Variants in MST1 observed in about 807,000 individuals in gnomAD.
MST1 encodes macrophage stimulating 1.
In MST1, 76 loss-of-function variants were observed where a neutral mutation model predicts 100.1. The ratio of observed to expected loss-of-function variants is 0.76; its 90% confidence interval spans 0.63 to 0.92. The LOEUF (loss-of-function observed/expected upper bound fraction) is 0.92, where lower values mean the gene tolerates loss of function less well. Among genes scored for constraint, MST1 ranks in the 40% least tolerant of loss-of-function variants. The pLI, the probability that MST1 is intolerant of heterozygous loss-of-function variation, is 0.00. For synonymous variants in MST1, 352 were observed against 385.4 expected, an observed-to-expected ratio of 0.91 and a Z score of 1.01; for missense variants, 850 against 990.0, an observed-to-expected ratio of 0.86 and a Z score of 1.90.
rs1389320399 is a variant in MST1, at chr3:49,684,327, A to C, written c.2003T>G (p.Val668Gly). The C allele has an allele frequency of 3.8e-5, 61 of 1,612,926 alleles. No individual in the cohort carries two copies. Among genetic ancestry groups the C allele is most frequent in the Non-Finnish European group, 5.0e-5 (59 of 1,179,848 alleles). Residue 668 changes from valine to glycine, a missense_variant, in exon 17 of 18, where the codon GTG becomes GGG. Physicochemically the swap from Val to Gly is moderately radical, Grantham distance 109. Around this residue, in one of 2 missense-constraint regions of MST1, gnomAD observed 816 missense variants for 924.6 expected, o/e 0.88. Transcript: ENST00000449682. ...EMCTEGLLAP[V>G]GACEGDYGGP... is the part of the protein sequence containing the mutation. ...CCTGCCACCAACCTCACAGGCCCCC[A>C]CAGGGGCCAACAGTCCCTCAGTGCA...
Position 49,684,827 on chromosome 3 carries a change from C to T in MST1, c.1680G>A (p.Gln560=), listed in dbSNP as rs6446287. The T allele has an allele frequency of 6.2e-7, 1 of 1,613,446 alleles. No homozygotes were observed. Among genetic ancestry groups the T allele is most frequent in the Non-Finnish European group, 8.5e-7 (1 of 1,179,856 alleles). The change falls in exon 15 of 18, where the codon CAG becomes CAA. Residue 560 remains glutamine, a synonymous_variant. Coordinates refer to ENST00000449682, the MANE Select transcript of MST1 (RefSeq NM_020998.4). ...VWLGTLFQNP[Q]HGEPSLQRVP... Reference sequence around the variant, plus strand: ...CCCGCTGTAGGCTTGGCTCTCCATGCTGTGGGTTCTGGAACAGGGTGCCCA... The same window carrying T: ...CCCGCTGTAGGCTTGGCTCTCCATGTTGTGGGTTCTGGAACAGGGTGCCCA...
At position 49,687,144 on chromosome 3, in the gene MST1, C is replaced by T. The variant is rs771632369; in HGVS notation, c.607+5G>A. ...ACTCTCCCAGCTTGACCCGGCGCCG[C>T]TTACCCTCCCGGCAGGATTTGATGC... On this transcript the variant is annotated splice_donor_5th_base_variant and intron_variant, in intron 5 of 17. Transcript: ENST00000449682. 7.4e-6 allele frequency: 12 copies of T among 1,612,992 alleles called. No homozygotes were observed. Among genetic ancestry groups the T allele is most frequent in the Middle Eastern group, 1.6e-4 (1 of 6,078 alleles).
Position 49,688,594 on chromosome 3 carries a change from T to C in MST1, c.94+4A>G, listed in dbSNP as rs1350172867. On this transcript the variant is annotated splice_donor_region_variant and intron_variant, in intron 1 of 17. Coordinates refer to ENST00000449682, the MANE Select transcript of MST1 (RefSeq NM_020998.4). ...AGATGGGGATCAGGGTTGGGGGCAC[T>C]TACCAGGGACCCCTAAGCATTGAGT... The C allele has an allele frequency of 1.2e-6, 2 of 1,612,126 alleles. No individual in the cohort carries two copies. The highest frequency in any genetic ancestry group is 2.7e-5 in the African/African-American group (2 of 74,942).
In MST1 at chr3:49,684,830, T is replaced by C. The variant is rs2108139480; in HGVS notation, c.1677A>G (p.Pro559=). 1 of 1,613,474 alleles carries C rather than the reference T, an allele frequency of 6.2e-7. No homozygotes were observed. Among genetic ancestry groups the C allele is most frequent in the Non-Finnish European group, 8.5e-7 (1 of 1,179,852 alleles). The stretch of plus-strand genomic sequence containing the variant: ...GCTGTAGGCTTGGCTCTCCATGCTG[T>C]GGGTTCTGGAACAGGGTGCCCAACC... The part of the protein sequence containing the change: ...EVWLGTLFQN[P]QHGEPSLQRV... Residue 559 remains proline (P), a synonymous_variant, in exon 15 of 18, where the codon CCA becomes CCG. Transcript: ENST00000449682.
rs545657574 is a variant in MST1, at chr3:49,684,397, C to A, written c.1933G>T (p.Glu645Ter). Reference protein sequence around the residue: ...VALLNVISNQECNIKHRGRVR... With the variant: ...VALLNVISNQ ...CGTCCTCGGTGCTTGATGTTACACT[C>A]CTGGTTGGAGATGACATTCAGCAAG... is the stretch of plus-strand genomic sequence containing the variant. The change falls in exon 17 of 18, where the codon GAG (glutamate) becomes TAG (stop). Residue 645 changes from glutamate (E) to a stop codon, truncating the protein, a stop_gained. Coordinates refer to ENST00000449682, the MANE Select transcript of MST1 (RefSeq NM_020998.4). LOFTEE classifies it high-confidence loss of function. 4 of 1,613,274 alleles carry A rather than the reference C, an allele frequency of 2.5e-6. No homozygotes were observed. In the African/African-American group the frequency reaches 5.3e-5, roughly 22 times the overall value.
At position 49,684,188 on chromosome 3, in the gene MST1, C is replaced by G. The variant is rs933265199; in HGVS notation, c.2018G>C (p.Gly673Ala). 3 of 1,611,748 alleles carry G rather than the reference C, an allele frequency of 1.9e-6. No homozygotes were observed. The African/African-American group carries it at 4.0e-5, about 22-fold the overall frequency. ...GLLAPVGACE[G>A]DYGGPLACFT... ...GCAGGCAAGTGGGCCCCCGTAGTCA[C>G]CCTGGCAGGTAGGAGAACTGATGAG... The change falls in exon 18 of 18, where the codon GGT becomes GCT. Residue 673 changes from glycine to alanine, a missense_variant and splice_region_variant. Gly to Ala is a moderately conservative substitution (Grantham distance 60). This residue lies in a region of MST1 where 816 missense variants were observed against 924.6 expected (regional missense o/e 0.88). Coordinates refer to ENST00000449682, the MANE Select transcript of MST1 (RefSeq NM_020998.4).
rs1229550218 is a variant in MST1 at position 49,686,690 on chromosome 3, G to C, written c.841C>G (p.Arg281Gly). The change falls in exon 7 of 18, where the codon CGC (arginine) becomes GGC (glycine). Residue 281 changes from arginine to glycine, a missense_variant. Transcript: ENST00000449682. ...CCTGGTCCCCGCCGCCTACCGCAGCGGGGGAGGTCACAGAACTCTCGCTCG... is the reference window on the plus strand; with the variant it reads ...CCTGGTCCCCGCCGCCTACCGCAGCCGGGGAGGTCACAGAACTCTCGCTCG... ...QIEREFCDLPRCGSEAQPRQE... is the reference protein window; with the variant it reads ...QIEREFCDLPGCGSEAQPRQE... 3 of 1,564,096 alleles carry C rather than the reference G, an allele frequency of 1.9e-6. No individual in the cohort carries two copies. The highest frequency in any genetic ancestry group is 4.8e-5 in the East Asian group (2 of 42,024).
At position 49,684,741 on chromosome 3, in the gene MST1, T is replaced by G. The variant is rs2053550069; in HGVS notation, c.1766A>C (p.Glu589Ala). 6.2e-7 allele frequency: 1 copy of G among 1,613,268 alleles called. No homozygotes were observed. ...CCCTCCCAGGTTGTCCACATACCTC[T>G]CCAGCTTGAGCAGGACAAGCTGGGA... The part of the protein sequence containing the change: ...SGSQLVLLKL[E>A]RSVTLNQRVA... Residue 589 changes from glutamate (E) to alanine (A), a missense_variant, in exon 15 of 18, where the codon GAG becomes GCG. Physicochemically the swap from Glu to Ala is moderately radical, Grantham distance 107. Around this residue, in one of 2 missense-constraint regions of MST1, gnomAD observed 816 missense variants for 924.6 expected, o/e 0.88. Coordinates refer to ENST00000449682, the MANE Select transcript of MST1 (RefSeq NM_020998.4).
rs762692684 is a variant in MST1 at position 49,685,245 on chromosome 3, A to G, written c.1544+17T>C. The G allele has an allele frequency of 3.1e-6, 5 of 1,612,792 alleles. No homozygotes were observed. In the South Asian group the frequency reaches 5.5e-5, roughly 18 times the overall value. On this transcript the variant is annotated intron_variant, in intron 13 of 17. Coordinates refer to ENST00000449682, the MANE Select transcript of MST1 (RefSeq NM_020998.4). ...ACCTCAGCTCCTCTCTGTGGGAGAC[A>G]GGCAGTTGTGCCTCACCGATTCCGC...
chr3:49,685,711 C>A lies in MST1; in HGVS notation c.1272G>T (p.Pro424=). Residue 424 remains proline (P), a synonymous_variant, in exon 11 of 18, where the codon CCG becomes CCT. Transcript: ENST00000449682. The part of the protein sequence containing the change: ...HKPQFTFTSE[P]HAQLEENFCR... ...AGAAGTTCTCCTCCAGTTGTGCATG[C>A]GGTTCGGAGGTAAACGTGAACCTAG... 1 of 1,613,316 alleles carries A rather than the reference C, an allele frequency of 6.2e-7. No individual in the cohort carries two copies. The highest frequency in any genetic ancestry group is 8.5e-7 in the Non-Finnish European group (1 of 1,179,834).
In MST1 at chr3:49,687,287, T is replaced by C. The variant is rs762961789; in HGVS notation, c.471-2A>G. ...CCATTCCGGAGAGTGGGCGTGTACCTGAGGGCCCAGAGCATCACTATAGTG... is the reference window on the plus strand; with the variant it reads ...CCATTCCGGAGAGTGGGCGTGTACCCGAGGGCCCAGAGCATCACTATAGTG... On this transcript the variant is annotated splice_acceptor_variant, in intron 4 of 17. Transcript: ENST00000449682. LOFTEE classifies it high-confidence loss of function. 4 of 1,613,376 alleles carry C rather than the reference T, an allele frequency of 2.5e-6. No homozygotes were observed. The highest frequency in any genetic ancestry group is 2.2e-5 in the East Asian group (1 of 44,888).
intron 7 of MST1, 100 bp from the exon 8 acceptor site, chr3:49,686,581 G>C (rs6779963): frequency 1.6e-5 from 23 of 1,415,534 alleles, no homozygotes; most frequent in Admixed American, 4.0e-5. Context: ...ACTCCACGGG[G>C]TATGCTCTCA....
In MST1 at chr3:49,686,939, A is replaced by G; in HGVS notation, c.728+8T>C. The G allele has an allele frequency of 6.2e-7, 1 of 1,611,526 alleles. No individual in the cohort carries two copies. Among genetic ancestry groups the G allele is most frequent in the South Asian group, 1.1e-5 (1 of 91,030 alleles). On this transcript the variant is annotated splice_region_variant and intron_variant, in intron 6 of 17. Coordinates refer to ENST00000449682, the MANE Select transcript of MST1 (RefSeq NM_020998.4). ...GGCCCCCAGGACGCCGATACCGCCT[A>G]CGCGTACTTGCCCGGCTCGAAGGGG...
Position 49,685,927 on chromosome 3 carries a change from T to A in MST1, c.1183A>T (p.Thr395Ser), listed in dbSNP as rs1367427352. ...ACACCCTTGCGGGTCTTGCTGACCG[T>A]GCCGCGGTACTGCTCCCCTGCGCCG... The part of the protein sequence containing the change: ...YHGAGEQYRG[T>S]VSKTRKGVQC... Residue 395 changes from threonine to serine, a missense_variant, in exon 10 of 18, where the codon ACG becomes TCG. By Grantham distance (58) the Thr-to-Ser change is moderately conservative. Transcript: ENST00000449682. 8.1e-6 allele frequency: 13 copies of A among 1,609,564 alleles called. No homozygotes were observed. The highest frequency in any genetic ancestry group is 1.1e-5 in the Non-Finnish European group (13 of 1,179,308).
Position 49,685,511 on chromosome 3 carries a change from A to C in MST1, c.1388-5T>G. 6.2e-7 allele frequency: 1 copy of C among 1,613,490 alleles called. No homozygotes were observed. The highest frequency in any genetic ancestry group is 8.5e-7 in the Non-Finnish European group (1 of 1,179,848). ...TTGATGGCGGCTGGTCATCAGCTGAAAGACAAAGTTCACTGGGGTTAAGGG... is the reference window on the plus strand; with the variant it reads ...TTGATGGCGGCTGGTCATCAGCTGACAGACAAAGTTCACTGGGGTTAAGGG... On this transcript the variant is annotated splice_polypyrimidine_tract_variant and splice_region_variant and intron_variant, in intron 11 of 17. Coordinates refer to ENST00000449682, the MANE Select transcript of MST1 (RefSeq NM_020998.4).
chr3:49,687,703 C>T (rs368682889), intron 2 of MST1, 35 bp from the exon 3 acceptor site: 1 of 1,613,462 alleles, frequency 6.2e-7, no homozygotes, highest in Non-Finnish European at 8.5e-7. Flanking sequence ...ACGCCACAGC[C>T]CAGGCTTCCC....
Position 49,685,085 on chromosome 3 carries a change from C to T in MST1, c.1549G>A (p.Gly517Ser), listed in dbSNP as rs1269489084. 1.9e-6 allele frequency: 3 copies of T among 1,610,596 alleles called. No homozygotes were observed. The highest frequency in any genetic ancestry group is 2.5e-6 in the Non-Finnish European group (3 of 1,178,754). The change falls in exon 14 of 18, where the codon GGC becomes AGC. Residue 517 changes from glycine to serine, a missense_variant. Transcript: ENST00000449682. ...PWTVSLRNRQ[G>S]QHFCGGSLVK... ...AGAGACCCCCCGCAGAAATGCTGGCCCTGCCTAGAGGAGTGGGGAATTAGG... is the reference window on the plus strand; with the variant it reads ...AGAGACCCCCCGCAGAAATGCTGGCTCTGCCTAGAGGAGTGGGGAATTAGG...
rs759255340 is a variant in MST1 at position 49,684,331 on chromosome 3, G to T, written c.1999C>A (p.Pro667Thr). 1 of 1,613,072 alleles carries T rather than the reference G, an allele frequency of 6.2e-7. No individual in the cohort carries two copies. The highest frequency in any genetic ancestry group is 1.1e-5 in the South Asian group (1 of 91,084). The change falls in exon 17 of 18, where the codon CCT (proline) becomes ACT (threonine). Residue 667 changes from proline to threonine, a missense_variant. Transcript: ENST00000449682. The stretch of plus-strand genomic sequence containing the variant: ...CCACCAACCTCACAGGCCCCCACAG[G>T]GGCCAACAGTCCCTCAGTGCACATC... ...SEMCTEGLLA[P>T]VGACEGDYGG...
At position 49,687,679 on chromosome 3, in the gene MST1, G is replaced by A. The variant is rs2053894477; in HGVS notation, c.243-11C>T. On this transcript the variant is annotated splice_polypyrimidine_tract_variant and intron_variant, in intron 2 of 17. Transcript: ENST00000449682. ...TTGTAGTGGAAGGCCCTGGAGAGAA[G>A]AAGGCACAGGGTAACGCCACAGCCC... 1 of 1,613,424 alleles carries A rather than the reference G, an allele frequency of 6.2e-7. No individual in the cohort carries two copies.
Sources: allele counts gnomAD v4.1 joint callset, GRCh38; gene constraint gnomAD v4.1.1; regional missense constraint gnomAD v4.1.1; transcripts MANE v1.5; gene names NCBI Gene and HGNC (gene_info 2026-07-23, HGNC 2026-07-21).